ASIC2: variants seen among roughly 807,000 people sequenced by gnomAD.
ASIC2 encodes acid-sensing ion channel 2.
In ASIC2, 25 loss-of-function variants were observed where a neutral mutation model predicts 57.3. That is an observed-to-expected ratio of 0.44 (90% confidence interval 0.32 to 0.61). ASIC2 has a LOEUF of 0.61. Ranked by LOEUF, ASIC2 falls within the 20% of genes least tolerant of loss-of-function variation. The pLI is 0.06. For synonymous variants in ASIC2, 319 were observed against 307.5 expected, an observed-to-expected ratio of 1.04 and a Z score of -0.39; for missense variants, 641 against 738.1, an observed-to-expected ratio of 0.87 and a Z score of 1.52.
intron 1 of ASIC2, among the ~76,000 whole-genome samples, chr17:33,941,484 A>T (rs1916191164): frequency 6.6e-6 from 1 of 152,160 alleles, no homozygotes; most frequent in African/African-American, 2.4e-5. Flanking sequence ...GGCTCATCCC[A>T]AGTGGGACCC....
intron 1 of ASIC2, among the ~76,000 whole-genome samples, chr17:33,772,935 G>A (rs1197914111): frequency 6.6e-6 from 1 of 152,196 alleles, no homozygotes; most frequent in Non-Finnish European, 1.5e-5. Flanking sequence ...CGGATTAAAA[G>A]CTATAAGGCA....
chr17:33,181,537 C>T lies in ASIC2; in HGVS notation c.709-69470G>A, dbSNP rs113792753. Among the ~76,000 whole-genome samples, 1,308 of 152,240 alleles carry T rather than the reference C, an allele frequency of 8.6e-3. 7 individuals carry two copies. Among genetic ancestry groups the T allele is most frequent in the South Asian group, 0.013 (64 of 4,818 alleles). On this transcript the variant is annotated intron_variant, in intron 1 of 9. Transcript: ENST00000225823. ...GAGAGTCCATCTTTACCTCTTCTGA[C>T]TTCTGGTGGCCCCTGACATTCTTTG... is the stretch of plus-strand genomic sequence containing the variant.
intron 1 of ASIC2, among the ~76,000 whole-genome samples, chr17:33,327,299 C>T (rs1402946325): frequency 6.6e-6 from 1 of 152,168 alleles, no homozygotes; most frequent in African/African-American, 2.4e-5. Flanking sequence ...TGTCTTCCTC[C>T]ATTGATTCTC....
chr17:33,176,308 C>A (rs773796404), intron 1 of ASIC2, among the ~76,000 whole-genome samples: 10 of 152,200 alleles, frequency 6.6e-5, no homozygotes, highest in Non-Finnish European at 1.3e-4. Context: ...CCCTTGATAC[C>A]TCCAGAGCCT....
intron 1 of ASIC2, among the ~76,000 whole-genome samples, chr17:33,693,617 A>G (rs572550780): frequency 6.6e-6 from 1 of 152,220 alleles, no homozygotes; most frequent in African/African-American, 2.4e-5. Context: ...AGGTCTGAGG[A>G]GCTCAAAGGA....
intron 6 of ASIC2, among the ~76,000 whole-genome samples, chr17:33,023,504 GAA>G (rs1312552916): frequency 6.8e-6 from 1 of 147,018 alleles, no homozygotes; most frequent in East Asian, 2.0e-4. Context: ...AAAAAAAAAA[GAA>G]AAAAAAATTC....
At chr17:33,038,029 T>C (rs2091916193) in intron 3 of ASIC2, among the ~76,000 whole-genome samples, 1 of 152,116 alleles carries the variant, frequency 6.6e-6, no homozygotes, top group Non-Finnish European at 1.5e-5. Context: ...CTATTCTAAT[T>C]TGAGAATGAG....
At chr17:33,256,714 C>T (rs553420264) in intron 1 of ASIC2, among the ~76,000 whole-genome samples, 1 of 152,274 alleles carries the variant, frequency 6.6e-6, no homozygotes, top group East Asian at 1.9e-4. Flanking sequence ...TGCCTGTAAT[C>T]CCAGCTACTA....
intron 1 of ASIC2, among the ~76,000 whole-genome samples, chr17:33,177,893 T>C (rs1905822907): frequency 6.6e-6 from 1 of 152,148 alleles, no homozygotes; most frequent in African/African-American, 2.4e-5. Context: ...TGGAGACCAG[T>C]CTAGTTCCTG....
intron 1 of ASIC2, among the ~76,000 whole-genome samples, chr17:33,182,653 A>G (rs1258775320): frequency 6.6e-6 from 1 of 152,186 alleles, no homozygotes; most frequent in East Asian, 1.9e-4. Flanking sequence ...ATCATAATGG[A>G]CAAGGCAACA....
At chr17:34,151,119 A>AT (rs1555535966) in intron 1 of ASIC2, among the ~76,000 whole-genome samples, 260 of 113,308 alleles carry the variant, frequency 2.3e-3, no homozygotes, top group East Asian at 0.022. Context: ...AAAAAAAAAA[A>AT]AAAAAATAAA....
At chr17:33,163,553 C>A (rs926542061) in intron 1 of ASIC2, among the ~76,000 whole-genome samples, 1 of 152,098 alleles carries the variant, frequency 6.6e-6, no homozygotes, top group East Asian at 1.9e-4. Context: ...GCCAGGCATA[C>A]GATGCCAAGT....
intron 1 of ASIC2, among the ~76,000 whole-genome samples, chr17:33,323,245 G>A (rs1906939677): frequency 6.6e-6 from 1 of 152,200 alleles, no homozygotes; most frequent in Non-Finnish European, 1.5e-5. Context: ...ATTCACAGCA[G>A]CACTATTCCT....
intron 1 of ASIC2, among the ~76,000 whole-genome samples, chr17:33,683,984 C>T (rs779062859): frequency 2.0e-4 from 30 of 152,116 alleles, no homozygotes; most frequent in Non-Finnish European, 3.1e-4. Context: ...GGGAGGAATA[C>T]GATTTAACCC....
At chr17:33,258,726 T>G (rs1909171343) in intron 1 of ASIC2, among the ~76,000 whole-genome samples, 1 of 152,132 alleles carries the variant, frequency 6.6e-6, no homozygotes, top group Non-Finnish European at 1.5e-5. Context: ...TATACAATGT[T>G]CTCTGATTTG....
chr17:33,625,173 A>ATCTATCTG (rs1567672728), intron 1 of ASIC2, among the ~76,000 whole-genome samples: 6 of 148,746 alleles, frequency 4.0e-5, no homozygotes, highest in African/African-American at 1.5e-4. Flanking sequence ...CTATCTATCT[A>ATCTATCTG]TCATCTATTA....
chr17:33,434,726 A>G (rs536937086), intron 1 of ASIC2, among the ~76,000 whole-genome samples: 1 of 152,330 alleles, frequency 6.6e-6, no homozygotes, highest in African/African-American at 2.4e-5. Context: ...ATAACCAAAG[A>G]GCCATTGATA....
chr17:33,588,192 A>C (rs890306475), intron 1 of ASIC2, among the ~76,000 whole-genome samples: 23 of 152,234 alleles, frequency 1.5e-4, no homozygotes, highest in African/African-American at 5.3e-4. Context: ...TTAATCTCAA[A>C]GGTATGACAT....
intron 1 of ASIC2, among the ~76,000 whole-genome samples, chr17:33,175,960 G>C (rs564711700): frequency 1.3e-5 from 2 of 152,294 alleles, no homozygotes; most frequent in Admixed American, 6.5e-5. Flanking sequence ...CTACAGTCCA[G>C]TGCCTGCTTT....
Sources: gnomAD v4.1 joint callset for allele counts (sites outside exome capture counted in the v4.1 genomes callset) on GRCh38, gnomAD v4.1.1 for gene constraint, MANE v1.5 for transcripts, NCBI Gene and HGNC (gene_info 2026-07-23, HGNC 2026-07-21) for gene names.